The following EIF4E3 variants were observed in gnomAD, a reference collection of about 807,000 sequenced individuals.
EIF4E3 encodes eukaryotic translation initiation factor 4E family member 3, also known as eukaryotic translation initiation factor 4E type 3.
EIF4E3 carries 26 observed loss-of-function variants against 31.7 expected under a neutral mutation model. That is an observed-to-expected ratio of 0.82 (90% CI 0.60 to 1.14). EIF4E3 has a LOEUF of 1.14. Ranked by LOEUF, EIF4E3 falls within the 50% of genes most tolerant of loss-of-function variation. The pLI is 0.00. For synonymous variants in EIF4E3, 128 were observed against 107.7 expected (o/e 1.19, Z -1.17); for missense variants, 304 against 270.9 (o/e 1.12, Z -0.86).
chr3:71,736,653 G>A (rs1331647725), intron 1 of EIF4E3, among the ~76,000 whole-genome samples: 1 of 152,220 alleles, frequency 6.6e-6, no homozygotes, highest in Admixed American at 6.5e-5. Context: ...TCAGGTGTAG[G>A]AGAGGAAGGA....
intron 3 of EIF4E3, 132 bp downstream of exon 3, chr3:71,699,482 T>TGG: frequency 1.3e-6 from 1 of 798,388 alleles, no homozygotes; most frequent in South Asian, 1.6e-5. Context: ...CCCCAGACCC[T>TGG]GGGCCATGAT....
upstream of EIF4E3, among the ~76,000 whole-genome samples, chr3:71,728,899 GC>G (rs1285083305): frequency 6.6e-6 from 1 of 152,224 alleles, no homozygotes; most frequent in Non-Finnish European, 1.5e-5. Flanking sequence ...TGGGTAACCT[GC>G]CCAAGGTCAC....
chr3:71,704,492 A>C (rs1275225724), intron 2 of EIF4E3, among the ~76,000 whole-genome samples: 1 of 152,210 alleles, frequency 6.6e-6, no homozygotes, highest in African/African-American at 2.4e-5. Context: ...GGCCTGCCAC[A>C]ACCTTATAGA....
chr3:71,740,609 C>T (rs1263959823), intron 1 of EIF4E3, among the ~76,000 whole-genome samples: 3 of 152,140 alleles, frequency 2.0e-5, no homozygotes, highest in African/African-American at 7.2e-5. Context: ...TGGTGTGCAC[C>T]TGTAGTCCCA....
the EIF4E3 span, among the ~76,000 whole-genome samples, chr3:71,665,129 T>C: frequency 1.3e-5 from 2 of 152,220 alleles, no homozygotes; most frequent in African/African-American, 4.8e-5. Context: ...GTGACCCTCT[T>C]CTACTTTACC....
chr3:71,701,193 T>G (rs779037048), intron 2 of EIF4E3, among the ~76,000 whole-genome samples: 14 of 152,240 alleles, frequency 9.2e-5, no homozygotes, highest in Admixed American at 5.2e-4. Context: ...TAAACAGAAA[T>G]AGATTATACA....
the EIF4E3 span, among the ~76,000 whole-genome samples, chr3:71,664,149 C>T: frequency 6.6e-6 from 1 of 152,168 alleles, no homozygotes; most frequent in Non-Finnish European, 1.5e-5. Context: ...GGAGCCACTG[C>T]ATCACCAAGT....
intron 1 of EIF4E3, among the ~76,000 whole-genome samples, chr3:71,743,399 T>C (rs1035082195): frequency 6.6e-6 from 1 of 152,052 alleles, no homozygotes; most frequent in African/African-American, 2.4e-5. Context: ...AAACACAAAA[T>C]GTTGATAGAT....
At chr3:71,754,616 G>A, upstream of EIF4E3, 1 of 1,455,502 alleles carries the variant, frequency 6.9e-7, no homozygotes. The surrounding 1 kb of genome is among the most constrained non-coding windows in gnomAD (Gnocchi z 5.8). Flanking sequence ...TCCTGCTGCT[G>A]CTGGCCGTGG....
chr3:71,722,187 G>C (rs1053787568), intron 1 of EIF4E3, among the ~76,000 whole-genome samples: 1 of 152,230 alleles, frequency 6.6e-6, no homozygotes, highest in African/African-American at 2.4e-5. Flanking sequence ...GCTCTTATCT[G>C]AGATACAGAT....
intron 2 of EIF4E3, among the ~76,000 whole-genome samples, chr3:71,709,204 G>T (rs1156294219): frequency 1.3e-5 from 2 of 152,098 alleles, no homozygotes; most frequent in South Asian, 2.1e-4. Flanking sequence ...GATACAACAG[G>T]AAAGCTATTT....
upstream of EIF4E3, chr3:71,754,163 G>A: frequency 6.9e-7 from 1 of 1,457,878 alleles, no homozygotes; most frequent in Non-Finnish European, 9.1e-7. The surrounding 1 kb of genome is among the most constrained non-coding windows in gnomAD (Gnocchi z 5.8). Flanking sequence ...GCAACGTGCT[G>A]TTCGCGCTGC....
rs572204580 is a variant in EIF4E3, at chr3:71,680,610, T to C, written c.*4072A>G. On this transcript the variant is annotated 3_prime_UTR_variant, in exon 7 of 7. Transcript: ENST00000425534. Reference sequence around the variant, plus strand: ...AATAGAAAATAAAATCAGAACAGTATAATCTGACATGAAAGGAATCTATTT... The same window carrying C: ...AATAGAAAATAAAATCAGAACAGTACAATCTGACATGAAAGGAATCTATTT... The C allele has an allele frequency of 6.6e-6, 1 of 152,330 alleles. No individual in the cohort carries two copies. The highest frequency in any genetic ancestry group is 1.9e-4 in the East Asian group (1 of 5,190). The allele number at this position is 152,330 out of a possible 1,614,324, so 9.4% of individuals were successfully genotyped here.
rs2276757 is a variant in EIF4E3 at position 71,683,945 on chromosome 3, G to A, written c.*737C>T. ...AAAGGCCAAATTAAAATTCGGGTTA[G>A]AAATGTTTCCACAGAGGGTCCAAAG... On this transcript the variant is annotated 3_prime_UTR_variant, in exon 7 of 7. Coordinates refer to ENST00000425534, the MANE Select transcript of EIF4E3 (RefSeq NM_001134651.2). 6.6e-6 allele frequency: 1 copy of A among 152,162 alleles called. No individual in the cohort carries two copies. Among genetic ancestry groups the A allele is most frequent in the Non-Finnish European group, 1.5e-5 (1 of 68,030 alleles). 9.4% of individuals were successfully genotyped at this position (152,162 alleles called of 1,614,324 possible).
At position 71,725,303 on chromosome 3, in the gene EIF4E3, G is replaced by T; in HGVS notation, c.65C>A (p.Ala22Asp). 2 of 992,774 alleles carry T rather than the reference G, an allele frequency of 2.0e-6. No homozygotes were observed. The highest frequency in any genetic ancestry group is 2.4e-6 in the Non-Finnish European group (2 of 835,028). The allele number at this position is 992,774 out of a possible 1,614,324, so 61.5% of individuals were successfully genotyped here. A position where few individuals can be genotyped will look rare whatever the true frequency, so the allele number is the denominator to read the frequency against. The change falls in exon 1 of 7, where the codon GCC (alanine) becomes GAC (aspartate). Residue 22 changes from alanine to aspartate, a missense_variant. Physicochemically the swap from Ala to Asp is moderately radical, Grantham distance 126 (BLOSUM62 -2). Transcript: ENST00000425534. This position sits in a 1 kb window ranked among gnomAD's most constrained non-coding sequence, Gnocchi z 6.1. ...GAREPPGSRA[A>D]AAAAAPEPPL... ...CGGCTCGGGGGCGGCGGCAGCGGCG[G>T]CGGCGCGGGACCCCGGCGGCTCCCG...
upstream of EIF4E3, chr3:71,729,074 C>G (rs2049673958): frequency 6.6e-6 from 1 of 152,262 alleles, no homozygotes; most frequent in Non-Finnish European, 1.5e-5. Context: ...AGACAGAAAC[C>G]TGAGCACTCA....
At chr3:71,746,462 C>T (rs2049873911) in intron 1 of EIF4E3, among the ~76,000 whole-genome samples, 1 of 152,142 alleles carries the variant, frequency 6.6e-6, no homozygotes, top group Admixed American at 6.5e-5. Context: ...CCAAAGGGGG[C>T]AATCCTTATG....
chr3:71,694,529 C>T (rs796266054), intron 4 of EIF4E3, among the ~76,000 whole-genome samples: 1 of 151,610 alleles, frequency 6.6e-6, no homozygotes, highest in Non-Finnish European at 1.5e-5. Flanking sequence ...TCAGTGCACG[C>T]TCCGGTCTGC....
At position 71,693,966 on chromosome 3, in the gene EIF4E3, CAAAA is replaced by C. The variant is rs750299740; in HGVS notation, c.406-29_406-26del. ...ACTGATATGGGAAAAGAATAAAAAA[CAAAA>C]CAAACAAAATACAGATATTTTTAGA... On this transcript the variant is annotated intron_variant, in intron 4 of 6. Transcript: ENST00000425534. 12 of 1,529,354 alleles carry C rather than the reference CAAAA, an allele frequency of 7.8e-6. No homozygotes were observed. The Admixed American group carries it at 2.7e-4, about 34-fold the overall frequency. The allele number at this position is 1,529,354 out of a possible 1,614,324, so 94.7% of individuals were successfully genotyped here.
Sources: gnomAD v4.1 joint callset for allele counts (sites outside exome capture counted in the v4.1 genomes callset) on GRCh38, gnomAD v4.1.1 for gene constraint, Gnocchi (gnomAD v3.1) non-coding constraint, MANE v1.5 for transcripts, NCBI Gene and HGNC (gene_info 2026-07-23, HGNC 2026-07-21) for gene names.